The following PHACTR3 variants were observed in gnomAD, a reference collection of about 807,000 sequenced individuals.
PHACTR3 encodes the protein protein phosphatase 1, regulatory subunit 123.
A neutral mutation model predicts 66.8 loss-of-function variants in PHACTR3; 16 were observed. That is an observed-to-expected ratio of 0.24 (90% CI 0.16 to 0.36). The LOEUF (loss-of-function observed/expected upper bound fraction) is 0.36, where lower values mean the gene tolerates loss of function less well. PHACTR3 is among the 10% of genes least tolerant of loss of function. PHACTR3 has a pLI of 1.00. For synonymous variants in PHACTR3, 323 were observed against 292.1 expected (o/e 1.11, Z -1.08); for missense variants, 647 against 719.9 (o/e 0.90, Z 1.16).
chr20:59,730,194 A>T (rs2038713123), intron 1 of PHACTR3, among the ~76,000 whole-genome samples: 1 of 152,194 alleles, frequency 6.6e-6, no homozygotes, highest in African/African-American at 2.4e-5. Flanking sequence ...CACATACATC[A>T]AGAGCTAATT....
chr20:59,739,377 G>A (rs556798435), intron 1 of PHACTR3, among the ~76,000 whole-genome samples: 13 of 152,106 alleles, frequency 8.5e-5, no homozygotes, highest in South Asian at 4.2e-4. Flanking sequence ...AAGTGCCCCC[G>A]ATAAAACAAA....
chr20:59,712,298 T>G (rs2037938552), intron 1 of PHACTR3, among the ~76,000 whole-genome samples: 1 of 152,232 alleles, frequency 6.6e-6, no homozygotes, highest in South Asian at 2.1e-4. Context: ...TGAGAAATGC[T>G]TTTCCCATTG....
At chr20:59,647,351 A>T (rs924690193) in intron 1 of PHACTR3, among the ~76,000 whole-genome samples, 1 of 152,176 alleles carries the variant, frequency 6.6e-6, no homozygotes, top group Non-Finnish European at 1.5e-5. Context: ...TGACATGTGG[A>T]GATTATTACA....
At chr20:59,724,120 C>T (rs2038461412) in intron 1 of PHACTR3, among the ~76,000 whole-genome samples, 1 of 152,166 alleles carries the variant, frequency 6.6e-6, no homozygotes, top group Non-Finnish European at 1.5e-5. Flanking sequence ...GAGGTGGCGC[C>T]TGGGCTGGCC....
chr20:59,702,568 G>T (rs1272560233), intron 1 of PHACTR3, among the ~76,000 whole-genome samples: 1 of 152,178 alleles, frequency 6.6e-6, no homozygotes, highest in Admixed American at 6.5e-5. Flanking sequence ...AAGTGGCCTT[G>T]CCTGTTTAGC....
intron 12 of PHACTR3, among the ~76,000 whole-genome samples, chr20:59,846,615 C>T (rs571713275): frequency 3.9e-5 from 6 of 152,038 alleles, no homozygotes; most frequent in African/African-American, 1.4e-4. Flanking sequence ...GTTTATTGTC[C>T]TAAGTTGATA....
chr20:59,785,882 T>TCCCCTGC (rs1477444042), intron 7 of PHACTR3, among the ~76,000 whole-genome samples: 3 of 11,058 alleles, frequency 2.7e-4, no homozygotes, highest in East Asian at 5.1e-4. Context: ...CCCTACTTCA[T>TCCCCTGC]TTTGTTTTCC....
At chr20:59,610,899 A>C (rs1282262873) in intron 1 of PHACTR3, among the ~76,000 whole-genome samples, 1 of 152,238 alleles carries the variant, frequency 6.6e-6, no homozygotes, top group African/African-American at 2.4e-5. Context: ...TAGTCTCATC[A>C]TCTCATCCTC....
At chr20:59,591,721 G>A (rs1007554748) in intron 1 of PHACTR3, among the ~76,000 whole-genome samples, 1 of 152,100 alleles carries the variant, frequency 6.6e-6, no homozygotes, top group Admixed American at 6.5e-5. Context: ...TTCGCCCATG[G>A]CCTTGGGAAA....
intron 1 of PHACTR3, chr20:59,676,630 C>T (rs940799532): frequency 3.2e-6 from 3 of 924,238 alleles, no homozygotes; most frequent in Non-Finnish European, 3.9e-6. Flanking sequence ...AGTGAGAGTG[C>T]CAGGGCTGTG....
intron 1 of PHACTR3, among the ~76,000 whole-genome samples, chr20:59,742,465 C>T (rs1226992684): frequency 7.0e-6 from 1 of 142,216 alleles, no homozygotes; most frequent in Non-Finnish European, 1.6e-5. Context: ...TGCTCACAGA[C>T]GTGCTCACAG....
chr20:59,772,852 G>A (rs1435626757), intron 5 of PHACTR3, among the ~76,000 whole-genome samples: 1 of 152,194 alleles, frequency 6.6e-6, no homozygotes. Context: ...AGCCCAAGGT[G>A]CTGGAACAGA....
intron 1 of PHACTR3, among the ~76,000 whole-genome samples, chr20:59,671,059 A>T (rs1467718785): frequency 6.6e-6 from 1 of 151,996 alleles, no homozygotes; most frequent in Non-Finnish European, 1.5e-5. Context: ...CCAATGGGAG[A>T]GAGCATTTGG....
chr20:59,679,399 T>C (rs1258662401), intron 1 of PHACTR3, among the ~76,000 whole-genome samples: 1 of 152,166 alleles, frequency 6.6e-6, no homozygotes, highest in African/African-American at 2.4e-5. Context: ...GCTGAAACAA[T>C]AGGTGTTCAT....
At chr20:59,578,240 G>C (rs1180759707) in intron 1 of PHACTR3, among the ~76,000 whole-genome samples, 1 of 152,226 alleles carries the variant, frequency 6.6e-6, no homozygotes, top group Non-Finnish European at 1.5e-5. Flanking sequence ...CAGGGAAGAG[G>C]AGTTGAGGAC....
chr20:59,765,699 G>A (rs972455429), intron 4 of PHACTR3, among the ~76,000 whole-genome samples: 3 of 152,196 alleles, frequency 2.0e-5, no homozygotes, highest in Non-Finnish European at 4.4e-5. Context: ...CTGCAGGCAG[G>A]AATTAGGCCT....
Position 59,682,927 on chromosome 20 carries a change from G to A in PHACTR3, c.119-60180G>A, listed in dbSNP as rs188766908. On this transcript the variant is annotated intron_variant, in intron 1 of 12. Transcript: ENST00000371015. ...TTGCTCTGAGTGTGACGGGTCGGGG[G>A]GGACATTGGAGGGTTTGAGATTTAA... 9.9e-4 allele frequency among the ~76,000 whole-genome samples: 151 copies of A among 152,276 alleles called. 1 individual carries two copies. Among genetic ancestry groups the A allele is most frequent in the African/African-American group, 3.4e-3 (142 of 41,560 alleles).
intron 1 of PHACTR3, among the ~76,000 whole-genome samples, chr20:59,695,734 A>ATT (rs11480385): frequency 1.7e-3 from 250 of 147,176 alleles, no homozygotes; most frequent in South Asian, 8.4e-3. Flanking sequence ...GAAGTTGTCT[A>ATT]TTTTTTTTTT....
chr20:59,782,118 C>T (rs190006297), intron 7 of PHACTR3, among the ~76,000 whole-genome samples: 167 of 152,260 alleles, frequency 1.1e-3, no homozygotes, highest in African/African-American at 3.9e-3. Flanking sequence ...AACTCAACAA[C>T]GCAAAAGAGG....
Sources: allele counts gnomAD v4.1 joint callset (sites outside exome capture counted in the v4.1 genomes callset), GRCh38; gene constraint gnomAD v4.1.1; transcripts MANE v1.5; gene names NCBI Gene and HGNC (gene_info 2026-07-23, HGNC 2026-07-21).